Variants in TRANK1 observed in about 807,000 individuals in gnomAD.
TRANK1 encodes TPR and ankyrin repeat-containing protein 1.
In TRANK1, 198 loss-of-function variants were observed where a neutral mutation model predicts 266.0. The observed-to-expected ratio is 0.74, with a 90% CI of 0.66 to 0.84. TRANK1 has a LOEUF of 0.84. TRANK1 is among the 40% of genes least tolerant of loss of function. The pLI, the probability that TRANK1 is intolerant of heterozygous loss-of-function variation, is 0.00. For missense variants in TRANK1, 3,326 were observed against 3,634.6 expected, an observed-to-expected ratio of 0.92 and a Z score of 2.18; for synonymous variants, 1,396 against 1,384.1, an observed-to-expected ratio of 1.01 and a Z score of -0.19.
chr3:36,873,402 G>A (rs1236827598), intron 9 of TRANK1, among the ~76,000 whole-genome samples: 3 of 152,162 alleles, frequency 2.0e-5, no homozygotes, highest in Admixed American at 2.0e-4. Context: ...ATATATACAT[G>A]TTTCATTAAA....
At chr3:36,941,439 T>C (rs147339842) in intron 1 of TRANK1, among the ~76,000 whole-genome samples, 39 of 152,310 alleles carry the variant, frequency 2.6e-4, no homozygotes, top group Non-Finnish European at 4.9e-4. Flanking sequence ...AAGCAAAAGA[T>C]GGAATTGATT....
intron 1 of TRANK1, among the ~76,000 whole-genome samples, chr3:36,918,498 A>G (rs866061120): frequency 1.6e-4 from 4 of 25,332 alleles, no homozygotes; most frequent in African/African-American, 3.3e-4. Flanking sequence ...AAAGAAAGAA[A>G]GAAAGAAAGA....
At chr3:36,905,652 C>T (rs1410215647) in intron 2 of TRANK1, among the ~76,000 whole-genome samples, 4 of 152,200 alleles carry the variant, frequency 2.6e-5, no homozygotes, top group Admixed American at 2.6e-4. Context: ...TGCCGGGAGC[C>T]AGACAGCCTA....
At chr3:36,928,360 A>G (rs1187149954) in intron 1 of TRANK1, among the ~76,000 whole-genome samples, 1 of 152,230 alleles carries the variant, frequency 6.6e-6, no homozygotes, top group Non-Finnish European at 1.5e-5. Flanking sequence ...AATTTTCAAT[A>G]CAGCCAACTT....
At position 36,831,008 on chromosome 3, in the gene TRANK1, T is replaced by A; in HGVS notation, c.8575A>T (p.Ile2859Phe). 1 of 1,614,030 alleles carries A rather than the reference T, an allele frequency of 6.2e-7. No individual in the cohort carries two copies. Among genetic ancestry groups the A allele is most frequent in the East Asian group, 2.2e-5 (1 of 44,880 alleles). ...IDEGKLVVQDIEQSVWIHSHV... is the reference protein window; with the variant it reads ...IDEGKLVVQDFEQSVWIHSHV... ...CTGTGGATCCATACACTTTGCTCGA[T>A]GTCCTGCACCACCAGCTTGCCTTCA... Residue 2859 changes from isoleucine to phenylalanine, a missense_variant, in exon 22 of 24, where the codon ATC (isoleucine) becomes TTC (phenylalanine). Transcript: ENST00000645898. The surrounding 1 kb of genome is among the most constrained non-coding windows in gnomAD (Gnocchi z 5.0).
At position 36,914,278 on chromosome 3, in the gene TRANK1, C is replaced by T. The variant is rs9812926; in HGVS notation, c.24-5824G>A. 2.6e-4 allele frequency among the ~76,000 whole-genome samples: 39 copies of T among 151,882 alleles called. No homozygotes were observed. In the East Asian group the frequency reaches 4.9e-3, roughly 19 times the overall value. On this transcript the variant is annotated intron_variant, in intron 1 of 23. Coordinates refer to ENST00000645898, the MANE Select transcript of TRANK1 (RefSeq NM_001329998.2). ...CCTCCTAAGTAGCTGGGATTACAGG[C>T]GCACGCCACCATGCCAGGCTAATTT...
chr3:36,891,342 C>CA (rs548402249), intron 7 of TRANK1, among the ~76,000 whole-genome samples: 14 of 149,482 alleles, frequency 9.4e-5, no homozygotes, highest in African/African-American at 2.5e-4. Flanking sequence ...GACTCAGTCT[C>CA]AAAAAAAAAA....
chr3:36,864,484 CA>C lies in TRANK1; in HGVS notation c.1079-5del, dbSNP rs757553214. 1 of 1,519,766 alleles carries C rather than the reference CA, an allele frequency of 6.6e-7. No homozygotes were observed. Among genetic ancestry groups the C allele is most frequent in the South Asian group, 1.2e-5 (1 of 80,090 alleles). The allele number at this position is 1,519,766 out of a possible 1,614,324, so 94.1% of individuals were successfully genotyped here. The stretch of plus-strand genomic sequence containing the variant: ...GGTCCATCACCATTGCTGAATCCTA[CA>C]AAACAGCACCAGGTAATGCTTCTGA... On this transcript the variant is annotated splice_region_variant and splice_polypyrimidine_tract_variant and intron_variant, in intron 9 of 23. Coordinates refer to ENST00000645898, the MANE Select transcript of TRANK1 (RefSeq NM_001329998.2).
chr3:36,847,726 A>G (rs186668480), intron 15 of TRANK1, among the ~76,000 whole-genome samples: 1 of 152,354 alleles, frequency 6.6e-6, no homozygotes, highest in Non-Finnish European at 1.5e-5. Flanking sequence ...GTCAGCCGTT[A>G]AGATACATGT....
In TRANK1 at chr3:36,864,471, T is replaced by C. The variant is rs572969997; in HGVS notation, c.1088A>G (p.Asn363Ser). Reference sequence around the variant, plus strand: ...GTTTTCACTAGTGGGTCCATCACCATTGCTGAATCCTACAAAACAGCACCA... The same window carrying C: ...GTTTTCACTAGTGGGTCCATCACCACTGCTGAATCCTACAAAACAGCACCA... ...TCSKDLSGFS[N>S]GDGPTSENDI... Residue 363 changes from asparagine (N) to serine (S), a missense_variant, in exon 10 of 24, where the codon AAT becomes AGT. Transcript: ENST00000645898. 2.1e-5 allele frequency: 32 copies of C among 1,528,810 alleles called. No homozygotes were observed. In the South Asian group the frequency reaches 3.7e-4, roughly 18 times the overall value. 94.7% of individuals were successfully genotyped at this position (1,528,810 alleles called of 1,614,324 possible).
rs2079052563 is a variant in TRANK1, at chr3:36,856,297, T to C, written c.3425A>G (p.Glu1142Gly). ...EEEEEEDEEE[E>G]DSIEVETVES... ...TACTGTTTCCACTTCAATAGAATCT[T>C]CCTCTTCCTCGTCCTCTTCCTCCTC... The change falls in exon 13 of 24, where the codon GAA (glutamate) becomes GGA (glycine). Residue 1142 changes from glutamate (E) to glycine (G), a missense_variant. Physicochemically the swap from Glu to Gly is moderately conservative, Grantham distance 98. Coordinates refer to ENST00000645898, the MANE Select transcript of TRANK1 (RefSeq NM_001329998.2). The C allele has an allele frequency of 6.3e-7, 1 of 1,585,872 alleles. No individual in the cohort carries two copies. The highest frequency in any genetic ancestry group is 8.6e-7 in the Non-Finnish European group (1 of 1,165,850).
rs2079835752 is a variant in TRANK1, at chr3:36,899,004, A to G, written c.433+105T>C. ...ATTCATTAAACTGCATAAATCAGCC[A>G]CAAAGAAACACCCAGAAAGTATCTC... On this transcript the variant is annotated intron_variant, in intron 4 of 23. Transcript: ENST00000645898. The G allele has an allele frequency of 2.0e-5, 25 of 1,267,434 alleles. No homozygotes were observed. In the South Asian group the frequency reaches 3.6e-4, roughly 18 times the overall value. The allele number at this position is 1,267,434 out of a possible 1,614,324, so 78.5% of individuals were successfully genotyped here. A position where few individuals can be genotyped will look rare whatever the true frequency, so the allele number is the denominator to read the frequency against.
At chr3:36,870,864 A>G (rs2079297072) in intron 9 of TRANK1, among the ~76,000 whole-genome samples, 1 of 151,690 alleles carries the variant, frequency 6.6e-6, no homozygotes, top group South Asian at 2.1e-4. Flanking sequence ...TTAACTGGTG[A>G]AGGAAAGAGA....
intron 1 of TRANK1, among the ~76,000 whole-genome samples, chr3:36,918,637 A>AAGAAAGAC (rs2080171817): frequency 7.2e-6 from 1 of 139,248 alleles, no homozygotes; most frequent in East Asian, 2.1e-4. Context: ...GAAAGAAAGA[A>AAGAAAGAC]AGAGAAAGAA....
chr3:36,894,723 C>A (rs150129844), intron 5 of TRANK1, among the ~76,000 whole-genome samples: 111 of 152,292 alleles, frequency 7.3e-4, no homozygotes, highest in African/African-American at 2.4e-3. Context: ...TTTAAGAATT[C>A]TCTATTCTAA....
Position 36,847,321 on chromosome 3 carries a change from G to C in TRANK1, c.4913C>G (p.Ser1638Cys), listed in dbSNP as rs1481808009. ...GTCAGTTGAGGTAGGTGTGAATGAG[G>C]AAATGATCTTCCATTCCTTATAAGC... is the stretch of plus-strand genomic sequence containing the variant. ...SEAYKEWKII[S>C]SFTPTSTDSR... is the part of the protein sequence containing the mutation. Residue 1638 changes from serine to cysteine, a missense_variant, in exon 16 of 24, where the codon TCC becomes TGC. Transcript: ENST00000645898. 2.5e-6 allele frequency: 4 copies of C among 1,613,642 alleles called. No homozygotes were observed. The highest frequency in any genetic ancestry group is 3.4e-6 in the Non-Finnish European group (4 of 1,179,736).
chr3:36,837,986 C>T lies in TRANK1; in HGVS notation c.5517+386G>A, dbSNP rs774493366. Among the ~76,000 whole-genome samples, 13 of 152,082 alleles carry T rather than the reference C, an allele frequency of 8.5e-5. No individual in the cohort carries two copies. In the South Asian group the frequency reaches 1.5e-3, roughly 17 times the overall value. On this transcript the variant is annotated intron_variant, in intron 20 of 23. Transcript: ENST00000645898. The stretch of plus-strand genomic sequence containing the variant: ...CTAGAGTGATTACTAGGAACACAGC[C>T]GAGGAACCTCCATCTAAATGCCAGG...
chr3:36,932,666 C>T (rs1442997827), intron 1 of TRANK1, among the ~76,000 whole-genome samples: 1 of 152,162 alleles, frequency 6.6e-6, no homozygotes, highest in Admixed American at 6.5e-5. Context: ...ATTTGGAGAG[C>T]AACTTAGAGA....
At chr3:36,867,997 C>T (rs2079251677) in intron 9 of TRANK1, among the ~76,000 whole-genome samples, 1 of 152,176 alleles carries the variant, frequency 6.6e-6, no homozygotes, top group Non-Finnish European at 1.5e-5. Flanking sequence ...TCTCAGTTGT[C>T]CCAGTCTGAG....
Sources: allele counts gnomAD v4.1 joint callset (sites outside exome capture counted in the v4.1 genomes callset), GRCh38; gene constraint gnomAD v4.1.1; non-coding constraint Gnocchi (gnomAD v3.1); transcripts MANE v1.5; gene names NCBI Gene and HGNC (gene_info 2026-07-23, HGNC 2026-07-21).